PSMA1: variants seen among roughly 807,000 people sequenced by gnomAD.
PSMA1 encodes the protein proteasome 20S subunit alpha 1, also known as proteasome subunit alpha type-1.
A neutral mutation model predicts 38.4 loss-of-function variants in PSMA1; 3 were observed. The observed-to-expected ratio is 0.08, with a 90% CI of 0.04 to 0.20. The LOEUF is 0.20. PSMA1 is among the 10% of genes least tolerant of loss of function. The pLI is 1.00. For missense variants in PSMA1, 227 were observed against 325.3 expected (o/e 0.70, Z 2.32); for synonymous variants, 101 against 107.1 (o/e 0.94, Z 0.35).
At chr11:14,583,841 T>C (rs981271299) in intron 2 of PSMA1, among the ~76,000 whole-genome samples, 9 of 152,222 alleles carry the variant, frequency 5.9e-5, no homozygotes, top group Non-Finnish European at 8.8e-5. Context: ...GTGGTAGATA[T>C]CTGCTCAGTA....
chr11:14,570,489 A>T (rs571243837), intron 2 of PSMA1, among the ~76,000 whole-genome samples: 1 of 152,368 alleles, frequency 6.6e-6, no homozygotes, highest in Non-Finnish European at 1.5e-5. Context: ...ACAAATGGCC[A>T]ACTAGAATAA....
chr11:14,617,788 T>C (rs985959757), intron 1 of PSMA1, among the ~76,000 whole-genome samples: 1 of 151,882 alleles, frequency 6.6e-6, no homozygotes, highest in Non-Finnish European at 1.5e-5. Context: ...CTGTGACTCA[T>C]GGCTTTACTG....
chr11:14,633,779 C>G (rs1431462076), intron 1 of PSMA1, among the ~76,000 whole-genome samples: 3 of 152,178 alleles, frequency 2.0e-5, no homozygotes, highest in East Asian at 1.9e-4. Flanking sequence ...GCTGTGCTAG[C>G]AATCAGTGAG....
intron 9 of PSMA1, 57 bp downstream of exon 9, chr11:14,507,599 G>T: frequency 8.5e-7 from 1 of 1,173,450 alleles, no homozygotes; most frequent in Non-Finnish European, 1.3e-6. Flanking sequence ...AGACACAGTT[G>T]TGGTAAGAAC....
At chr11:14,630,996 A>G (rs377574527) in intron 1 of PSMA1, among the ~76,000 whole-genome samples, 200 of 152,314 alleles carry the variant, frequency 1.3e-3, no homozygotes, top group East Asian at 7.7e-4. Context: ...GTATTTCTGT[A>G]GGATTGGTGG....
intron 2 of PSMA1, among the ~76,000 whole-genome samples, chr11:14,537,268 C>T (rs1851719511): frequency 6.6e-6 from 1 of 152,180 alleles, no homozygotes; most frequent in Admixed American, 6.5e-5. Context: ...AACAATTCTT[C>T]CTCCCTGACC....
At chr11:14,558,956 T>G (rs1851974351) in intron 2 of PSMA1, among the ~76,000 whole-genome samples, 1 of 152,228 alleles carries the variant, frequency 6.6e-6, no homozygotes, top group South Asian at 2.1e-4. Context: ...GGGTTGTTGG[T>G]CAAGTGGGAT....
intron 2 of PSMA1, among the ~76,000 whole-genome samples, chr11:14,594,122 A>C (rs1355928384): frequency 6.6e-6 from 1 of 152,254 alleles, no homozygotes; most frequent in African/African-American, 2.4e-5. Flanking sequence ...AAAGAACCTG[A>C]TTCATGATGA....
chr11:14,520,323 G>C lies in PSMA1; in HGVS notation c.-24C>G. On this transcript the variant is annotated 5_prime_UTR_variant, in exon 1 of 10. Transcript: ENST00000396394. Reference sequence around the variant, plus strand: ...ATGGTGGCGGCGCGGGCCTGGTTGCGGCCTCCAGCAAAACTGAGAATCAAG... The same window carrying C: ...ATGGTGGCGGCGCGGGCCTGGTTGCCGCCTCCAGCAAAACTGAGAATCAAG... 1.2e-6 allele frequency: 2 copies of C among 1,614,192 alleles called. No homozygotes were observed. The highest frequency in any genetic ancestry group is 4.5e-5 in the East Asian group (2 of 44,880).
At chr11:14,601,907 G>A (rs1432466018) in intron 2 of PSMA1, among the ~76,000 whole-genome samples, 1 of 152,172 alleles carries the variant, frequency 6.6e-6, no homozygotes, top group Non-Finnish European at 1.5e-5. Context: ...AGGGCTTACT[G>A]TCAGAAAAAG....
intron 1 of PSMA1, among the ~76,000 whole-genome samples, chr11:14,620,062 G>A (rs993360660): frequency 4.0e-5 from 6 of 151,856 alleles, no homozygotes; most frequent in Non-Finnish European, 7.4e-5. Context: ...ACTCGTGTGT[G>A]TGTGCGTGTG....
intron 2 of PSMA1, among the ~76,000 whole-genome samples, chr11:14,583,409 C>A (rs1852305575): frequency 6.6e-6 from 1 of 152,166 alleles, no homozygotes; most frequent in African/African-American, 2.4e-5. Flanking sequence ...CAGACGAGTG[C>A]CTTCAGGGCA....
chr11:14,528,123 ACT>A (rs766090901), intron 2 of PSMA1, among the ~76,000 whole-genome samples: 5 of 151,948 alleles, frequency 3.3e-5, no homozygotes, highest in East Asian at 1.9e-4. Flanking sequence ...GGGGAGGGAA[ACT>A]CTGTATATTT....
chr11:14,585,529 C>A (rs908797294), intron 2 of PSMA1, among the ~76,000 whole-genome samples: 4 of 152,138 alleles, frequency 2.6e-5, no homozygotes, highest in Non-Finnish European at 5.9e-5. Flanking sequence ...TCAGAGAACC[C>A]TAGCTAAGCC....
chr11:14,636,629 C>A (rs1474062658), intron 1 of PSMA1, among the ~76,000 whole-genome samples: 1 of 152,196 alleles, frequency 6.6e-6, no homozygotes, highest in African/African-American at 2.4e-5. Context: ...ACTCATACAT[C>A]CAATGGCCAA....
At chr11:14,631,120 C>T (rs1853000980) in intron 1 of PSMA1, among the ~76,000 whole-genome samples, 1 of 151,952 alleles carries the variant, frequency 6.6e-6, no homozygotes, top group South Asian at 2.1e-4. Flanking sequence ...AAACCAGCTC[C>T]TGGATTCATT....
At chr11:14,568,812 T>C (rs1852103603) in intron 2 of PSMA1, among the ~76,000 whole-genome samples, 1 of 152,226 alleles carries the variant, frequency 6.6e-6, no homozygotes, top group African/African-American at 2.4e-5. Flanking sequence ...GTCCTTTGTA[T>C]AAGACTTTGC....
intron 5 of PSMA1, chr11:14,514,095 T>G: frequency 7.6e-7 from 1 of 1,320,064 alleles, no homozygotes; most frequent in Non-Finnish European, 9.6e-7. Context: ...GCAAAATAAT[T>G]TCTTCCCATC....
chr11:14,569,204 T>C (rs573564029), intron 2 of PSMA1, among the ~76,000 whole-genome samples: 1 of 152,300 alleles, frequency 6.6e-6, no homozygotes, highest in South Asian at 2.1e-4. Flanking sequence ...CTGCTTCCTA[T>C]TGAATGCTTT....
Sources: allele counts gnomAD v4.1 joint callset (sites outside exome capture counted in the v4.1 genomes callset), GRCh38; gene constraint gnomAD v4.1.1; transcripts MANE v1.5; gene names NCBI Gene and HGNC (gene_info 2026-07-23, HGNC 2026-07-21).